Variants in DPP6 observed in about 807,000 individuals in gnomAD.
The protein encoded by DPP6 is A-type potassium channel modulatory protein DPP6.
A neutral mutation model predicts 122.6 loss-of-function variants in DPP6; 69 were observed. That is an observed-to-expected ratio of 0.56 (90% CI 0.46 to 0.69). The LOEUF (loss-of-function observed/expected upper bound fraction) is 0.69, where lower values mean the gene tolerates loss of function less well. Among genes scored for constraint, DPP6 ranks in the 30% least tolerant of loss-of-function variants. The pLI, the probability that DPP6 is intolerant of heterozygous loss-of-function variation, is 0.00. For synonymous variants in DPP6, 418 were observed against 433.1 expected (o/e 0.97, Z 0.43); for missense variants, 928 against 1,116.9 (o/e 0.83, Z 2.41).
intron 1 of DPP6, among the ~76,000 whole-genome samples, chr7:153,908,530 G>T (rs899999872): frequency 6.6e-6 from 1 of 152,054 alleles, no homozygotes; most frequent in Non-Finnish European, 1.5e-5. Context: ...ATTTCTATAG[G>T]CACACAGTCT....
chr7:154,163,381 T>G (rs1430150638), intron 1 of DPP6, among the ~76,000 whole-genome samples: 2 of 152,240 alleles, frequency 1.3e-5, no homozygotes, highest in African/African-American at 4.8e-5. Flanking sequence ...TGCTCATGGC[T>G]TTTTGTTGTA....
intron 3 of DPP6, among the ~76,000 whole-genome samples, chr7:154,493,822 G>C (rs1824495866): frequency 6.6e-6 from 1 of 152,164 alleles, no homozygotes; most frequent in Non-Finnish European, 1.5e-5. Flanking sequence ...TGCAGGCAGG[G>C]AGTTTTGTTT....
chr7:154,259,980 G>A (rs1802891634), intron 1 of DPP6, among the ~76,000 whole-genome samples: 1 of 152,200 alleles, frequency 6.6e-6, no homozygotes, highest in African/African-American at 2.4e-5. Flanking sequence ...GTCAGGGAAG[G>A]ATGAGCCGTG....
At chr7:154,358,203 A>G (rs1364131185) in intron 1 of DPP6, among the ~76,000 whole-genome samples, 3 of 152,218 alleles carry the variant, frequency 2.0e-5, no homozygotes, top group South Asian at 2.1e-4. Context: ...ACTGTGAGGT[A>G]TACCAGTTGG....
intron 3 of DPP6, among the ~76,000 whole-genome samples, chr7:154,494,674 T>C (rs1824570715): frequency 6.6e-6 from 1 of 152,152 alleles, no homozygotes; most frequent in Non-Finnish European, 1.5e-5. Flanking sequence ...GATACCTCAT[T>C]ACCAAGACTC....
the DPP6 span, among the ~76,000 whole-genome samples, chr7:153,840,157 T>A: frequency 6.6e-6 from 1 of 152,196 alleles, no homozygotes; most frequent in Non-Finnish European, 1.5e-5. Flanking sequence ...TTTTGAATAA[T>A]ATTCCATTTC....
chr7:153,820,002 T>C, the DPP6 span, among the ~76,000 whole-genome samples: 7 of 152,318 alleles, frequency 4.6e-5, no homozygotes, highest in Non-Finnish European at 8.8e-5. Context: ...AGTTTAGTAA[T>C]ATAAAATTAC....
the DPP6 span, among the ~76,000 whole-genome samples, chr7:153,750,210 A>G: frequency 6.6e-6 from 1 of 152,238 alleles, no homozygotes; most frequent in Non-Finnish European, 1.5e-5. Flanking sequence ...TGAGTAAGTA[A>G]TATCGAGCAT....
rs904361684 is a variant in DPP6, at chr7:154,223,716, C to T, written c.243+170653C>T. On this transcript the variant is annotated intron_variant, in intron 1 of 25. Transcript: ENST00000377770. ...GGGAGATGTCCCTAGTCCTGCAGGG[C>T]GTGGTGTGCCACATCTTCCTAGAAG... Among the ~76,000 whole-genome samples the T allele has an allele frequency of 2.1e-4, 32 of 149,498 alleles. 3 individuals are homozygous for T. Among genetic ancestry groups the T allele is most frequent in the African/African-American group, 6.3e-4 (25 of 39,384 alleles).
chr7:154,073,852 G>A (rs1218124222), intron 1 of DPP6, among the ~76,000 whole-genome samples: 1 of 152,178 alleles, frequency 6.6e-6, no homozygotes, highest in African/African-American at 2.4e-5. Flanking sequence ...TGGGTCTAGT[G>A]ATGGGTGCCT....
the DPP6 span, among the ~76,000 whole-genome samples, chr7:153,855,238 TA>T: frequency 2.9e-4 from 41 of 143,726 alleles, no homozygotes; most frequent in East Asian, 6.1e-4. Context: ...TAAAGTATAA[TA>T]AAAAAAAAGA....
the DPP6 span, among the ~76,000 whole-genome samples, chr7:153,773,821 G>A: frequency 6.8e-6 from 1 of 146,246 alleles, no homozygotes; most frequent in African/African-American, 2.5e-5. Flanking sequence ...TTTTACCCAA[G>A]GCAAGCAGAA....
At chr7:154,186,185 G>C (rs536306371) in intron 1 of DPP6, among the ~76,000 whole-genome samples, 104 of 152,272 alleles carry the variant, frequency 6.8e-4, no homozygotes, top group African/African-American at 2.4e-3. Context: ...TATCTGTGTA[G>C]ATAGGACTGG....
At chr7:154,710,672 C>T (rs1427089582) in intron 7 of DPP6, among the ~76,000 whole-genome samples, 1 of 152,238 alleles carries the variant, frequency 6.6e-6, no homozygotes, top group Non-Finnish European at 1.5e-5. Flanking sequence ...CTCTGGTCAG[C>T]TTTCTGCTTT....
At chr7:154,140,503 G>C (rs2150660390) in intron 1 of DPP6, among the ~76,000 whole-genome samples, 1 of 152,224 alleles carries the variant, frequency 6.6e-6, no homozygotes, top group South Asian at 2.1e-4. Flanking sequence ...ATATTAAAAA[G>C]AGAGATGAGG....
chr7:153,822,936 A>G, the DPP6 span, among the ~76,000 whole-genome samples: 2 of 152,242 alleles, frequency 1.3e-5, no homozygotes, highest in Non-Finnish European at 2.9e-5. Flanking sequence ...CAATCTTAAC[A>G]GTACTGAGTT....
At chr7:153,757,730 G>A in the DPP6 span, among the ~76,000 whole-genome samples, 1 of 152,176 alleles carries the variant, frequency 6.6e-6, no homozygotes, top group Non-Finnish European at 1.5e-5. Flanking sequence ...GGCCGAGGTA[G>A]GTGGATCATT....
intron 1 of DPP6, among the ~76,000 whole-genome samples, chr7:154,313,924 G>A (rs1807194818): frequency 6.6e-6 from 1 of 151,396 alleles, no homozygotes; most frequent in Non-Finnish European, 1.5e-5. Flanking sequence ...TGGTACATAT[G>A]ACTTGGTTAA....
intron 1 of DPP6, among the ~76,000 whole-genome samples, chr7:154,223,344 C>T (rs920701685): frequency 6.7e-6 from 1 of 149,410 alleles, no homozygotes; most frequent in Non-Finnish European, 1.5e-5. Context: ...CTTTAAGCAT[C>T]CATTGAGTGC....
Sources: allele counts gnomAD v4.1 joint callset (sites outside exome capture counted in the v4.1 genomes callset), GRCh38; gene constraint gnomAD v4.1.1; transcripts MANE v1.5; gene names NCBI Gene and HGNC (gene_info 2026-07-23, HGNC 2026-07-21).